RIMKLB: variants seen among roughly 807,000 people sequenced by gnomAD.
RIMKLB encodes the protein ribosomal modification protein rimK like family member B.
RIMKLB carries 7 observed loss-of-function variants against 32.0 expected under a neutral mutation model. The observed-to-expected ratio is 0.22, with a 90% confidence interval of 0.12 to 0.41. The LOEUF is 0.41. Among genes scored for constraint, RIMKLB ranks in the 10% least tolerant of loss-of-function variants. RIMKLB has a pLI of 1.00. For missense variants in RIMKLB, 289 were observed against 498.7 expected (o/e 0.58, Z 4.00); for synonymous variants, 172 against 185.1 (o/e 0.93, Z 0.57).
In RIMKLB at chr12:8,722,491, A is replaced by G. The variant is rs931425943; in HGVS notation, c.175+8450A>G. ...GTTCCACTTAGCACAGGCAGAGTCCATTTAGCATAACTTTTAAGAACCCTA... is the reference window on the plus strand; with the variant it reads ...GTTCCACTTAGCACAGGCAGAGTCCGTTTAGCATAACTTTTAAGAACCCTA... On this transcript the variant is annotated intron_variant, in intron 2 of 5. Transcript: ENST00000535829. Among the ~76,000 whole-genome samples the G allele has an allele frequency of 1.0e-3, 153 of 152,190 alleles. 2 individuals carry two copies. The highest frequency in any genetic ancestry group is 9.9e-3 in the Admixed American group (152 of 15,280).
chr12:8,710,381 C>T (rs1431186948), intron 1 of RIMKLB, among the ~76,000 whole-genome samples: 1 of 149,924 alleles, frequency 6.7e-6, no homozygotes, highest in Non-Finnish European at 1.5e-5. Context: ...GATCTCCACT[C>T]ACTACAACCT....
At chr12:8,685,291 G>A (rs1417506670) in intron 1 of RIMKLB, among the ~76,000 whole-genome samples, 1 of 152,156 alleles carries the variant, frequency 6.6e-6, no homozygotes, top group Non-Finnish European at 1.5e-5. Flanking sequence ...TTAAGCAGTT[G>A]AGGAAGTTCC....
intron 1 of RIMKLB, among the ~76,000 whole-genome samples, chr12:8,683,012 T>C (rs571964846): frequency 4.6e-5 from 7 of 152,166 alleles, no homozygotes; most frequent in Non-Finnish European, 1.0e-4. Context: ...TCATACAGTA[T>C]GTGGACTTTT....
At chr12:8,744,534 T>G (rs1010577399) in intron 2 of RIMKLB, among the ~76,000 whole-genome samples, 8 of 151,630 alleles carry the variant, frequency 5.3e-5, no homozygotes, top group African/African-American at 2.0e-4. Context: ...TCCTGATGAC[T>G]CAAGCTTTTC....
At chr12:8,678,009 T>C (rs1172352092), upstream of RIMKLB, among the ~76,000 whole-genome samples, 4 of 151,700 alleles carry the variant, frequency 2.6e-5, no homozygotes, top group South Asian at 2.1e-4. Context: ...TCTCAAACTC[T>C]TGGACTCAAC....
chr12:8,766,890 G>A (rs748548890), intron 5 of RIMKLB, among the ~76,000 whole-genome samples: 1 of 152,326 alleles, frequency 6.6e-6, no homozygotes, highest in South Asian at 2.1e-4. Flanking sequence ...TTTTGACTTA[G>A]GATAATTCTG....
chr12:8,728,860 CT>C (rs978708951), intron 2 of RIMKLB, among the ~76,000 whole-genome samples: 4 of 151,908 alleles, frequency 2.6e-5, no homozygotes, highest in Non-Finnish European at 5.9e-5. Flanking sequence ...TGGTCTTGAA[CT>C]TTTAGGCTCA....
chr12:8,746,205 C>T (rs1948071704), intron 2 of RIMKLB, among the ~76,000 whole-genome samples: 1 of 151,750 alleles, frequency 6.6e-6, no homozygotes, highest in South Asian at 2.1e-4. Flanking sequence ...TCTCTATATC[C>T]TTATCTCAAA....
intron 1 of RIMKLB, among the ~76,000 whole-genome samples, chr12:8,684,336 C>T (rs1208010854): frequency 6.6e-6 from 1 of 152,026 alleles, no homozygotes; most frequent in Non-Finnish European, 1.5e-5. Flanking sequence ...CCACACCCAA[C>T]TAATTTTTGT....
chr12:8,713,564 A>G (rs892816152), intron 1 of RIMKLB, among the ~76,000 whole-genome samples: 42 of 152,196 alleles, frequency 2.8e-4, no homozygotes, highest in African/African-American at 9.9e-4. Flanking sequence ...GACGAGCTAC[A>G]GTTATTAAGT....
chr12:8,685,802 C>T (rs1942552504), intron 1 of RIMKLB, among the ~76,000 whole-genome samples: 1 of 151,826 alleles, frequency 6.6e-6, no homozygotes, highest in African/African-American at 2.4e-5. Context: ...TGCCACTACG[C>T]CCAGCTATTT....
At chr12:8,696,789 T>C (rs936945356), upstream of RIMKLB, among the ~76,000 whole-genome samples, 1 of 152,146 alleles carries the variant, frequency 6.6e-6, no homozygotes, top group African/African-American at 2.4e-5. Flanking sequence ...ATATTGTCAA[T>C]TGACTGGGAG....
At chr12:8,727,612 A>C (rs899279805) in intron 2 of RIMKLB, among the ~76,000 whole-genome samples, 1 of 152,182 alleles carries the variant, frequency 6.6e-6, no homozygotes, top group Non-Finnish European at 1.5e-5. Flanking sequence ...CAGATCAAAC[A>C]TCTAGTGTTT....
At chr12:8,698,746 A>AG (rs1281719412) in intron 1 of RIMKLB, among the ~76,000 whole-genome samples, 2 of 147,958 alleles carry the variant, frequency 1.4e-5, no homozygotes, top group African/African-American at 5.0e-5. Context: ...CGACCGCGGG[A>AG]GGAGGATCAC....
intron 1 of RIMKLB, among the ~76,000 whole-genome samples, chr12:8,682,755 G>A (rs1412623332): frequency 6.6e-6 from 1 of 150,404 alleles, no homozygotes; most frequent in East Asian, 1.9e-4. Flanking sequence ...CGGGGGGGAG[G>A]GAGCGAGATT....
At chr12:8,723,845 TC>T (rs2137138793) in intron 2 of RIMKLB, among the ~76,000 whole-genome samples, 1 of 143,908 alleles carries the variant, frequency 6.9e-6, no homozygotes, top group South Asian at 2.3e-4. Context: ...AGAGTCTTTC[TC>T]TGTCGTTCAG....
chr12:8,682,510 C>T lies in RIMKLB; in HGVS notation n.219+692C>T, dbSNP rs372982223. The stretch of plus-strand genomic sequence containing the variant: ...GGAAATGGCCGGGTGCGGTGGCTCA[C>T]GCCTGTAATCCCAGCACTTTGGGAG... On this transcript the variant is annotated intron_variant and non_coding_transcript_variant, in intron 1 of 1. Coordinates refer to the RIMKLB transcript ENST00000538758. Among the ~76,000 whole-genome samples the T allele has an allele frequency of 3.9e-5, 6 of 152,164 alleles. No homozygotes were observed. In the East Asian group the frequency reaches 1.2e-3, roughly 30 times the overall value.
intron 1 of RIMKLB, among the ~76,000 whole-genome samples, chr12:8,708,845 C>G (rs1022004447): frequency 6.6e-6 from 1 of 152,144 alleles, no homozygotes; most frequent in Non-Finnish European, 1.5e-5. Flanking sequence ...TATGCTGATC[C>G]AGAAGTTTGT....
chr12:8,777,137 TTTTG>T lies in RIMKLB; in HGVS notation c.*3356_*3359del. ...TTGTTCAATTTTATTTAAGATTTGT[TTTTG>T]TTGTACTAGGATTTTAAAAAATGTA... On this transcript the variant is annotated 3_prime_UTR_variant, in exon 6 of 6. Coordinates refer to ENST00000535829, the MANE Select transcript of RIMKLB (RefSeq NM_001297776.2). 1 of 985,178 alleles carries T rather than the reference TTTTG, an allele frequency of 1.0e-6. No individual in the cohort carries two copies. Among genetic ancestry groups the T allele is most frequent in the Non-Finnish European group, 1.2e-6 (1 of 829,450 alleles). 61.0% of individuals were successfully genotyped at this position (985,178 alleles called of 1,614,324 possible).
Sources: gnomAD v4.1 joint callset for allele counts (sites outside exome capture counted in the v4.1 genomes callset) on GRCh38, gnomAD v4.1.1 for gene constraint, MANE v1.5 for transcripts, NCBI Gene and HGNC (gene_info 2026-07-23, HGNC 2026-07-21) for gene names.